OPHN1: variants seen among roughly 807,000 people sequenced by gnomAD.
The protein encoded by OPHN1 is oligophrenin-1.
In OPHN1, 11 loss-of-function variants were observed where a neutral mutation model predicts 60.7. That is an observed-to-expected ratio of 0.18 (90% CI 0.11 to 0.30). OPHN1 has a LOEUF of 0.30. OPHN1 is among the 10% of genes least tolerant of loss of function. The pLI, the probability that OPHN1 is intolerant of heterozygous loss-of-function variation, is 1.00. For missense variants in OPHN1, 449 were observed against 611.0 expected (o/e 0.73, Z 2.80); for synonymous variants, 226 against 222.6 (o/e 1.02, Z -0.14).
At chrX:68,077,696 C>T (rs1400939950) in intron 19 of OPHN1, among the ~76,000 whole-genome samples, 2 of 111,983 alleles carry the variant, frequency 1.8e-5, no homozygotes, top group Non-Finnish European at 1.9e-5. Context: ...CAATCATAAC[C>T]TCTAGGAAAG....
In OPHN1 at chrX:68,248,617, G is replaced by C. The variant is rs764678432; in HGVS notation, c.385-14029C>G. Among the ~76,000 whole-genome samples the C allele has an allele frequency of 5.1e-4, 57 of 112,234 alleles. 1 individual carries two copies. Among genetic ancestry groups the C allele is most frequent in the Non-Finnish European group, 9.0e-4 (48 of 53,253 alleles). On this transcript the variant is annotated intron_variant, in intron 5 of 24. Transcript: ENST00000355520. ...TACATACCCCAAAGAAAGGAAATCA[G>C]TGTATCAAAGAGATATCTGTACTCC...
At chrX:68,162,575 G>A (rs1003672607) in intron 15 of OPHN1, among the ~76,000 whole-genome samples, 1 of 110,019 alleles carries the variant, frequency 9.1e-6, no homozygotes, top group South Asian at 3.9e-4. Flanking sequence ...CAGAGTAGGA[G>A]GGAAGAATTG....
chrX:68,179,957 C>T (rs183133515), intron 15 of OPHN1, among the ~76,000 whole-genome samples: 2 of 111,377 alleles, frequency 1.8e-5, no homozygotes, highest in African/African-American at 6.5e-5. Flanking sequence ...GCCCTCATGA[C>T]TTAATCACCT....
rs1022837538 is a variant in OPHN1 at position 68,419,215 on chromosome X, T to G, written c.154+13652A>C. Among the ~76,000 whole-genome samples, 3 of 109,537 alleles carry G rather than the reference T, an allele frequency of 2.7e-5. No individual in the cohort carries two copies. In the South Asian group the frequency reaches 1.2e-3, roughly 43 times the overall value. On this transcript the variant is annotated intron_variant, in intron 2 of 24. Transcript: ENST00000355520. ...TTTAGTAGAGACAGGGGTTTCACCA[T>G]GTTGGCCAGGCTGGTCTTGAACTCC...
intron 2 of OPHN1, among the ~76,000 whole-genome samples, chrX:68,324,957 C>T (rs7892666): frequency 4.6e-5 from 5 of 108,587 alleles, no homozygotes; most frequent in South Asian, 4.0e-4. Flanking sequence ...AGGCTGAGGT[C>T]GGAGGATCAC....
chrX:68,201,199 G>A (rs1466884046), intron 11 of OPHN1, among the ~76,000 whole-genome samples: 2 of 111,523 alleles, frequency 1.8e-5, no homozygotes, highest in South Asian at 3.8e-4. Context: ...ATAACACCAC[G>A]ACCCTCCACC....
intron 5 of OPHN1, among the ~76,000 whole-genome samples, chrX:68,264,054 T>C (rs1358083900): frequency 9.0e-6 from 1 of 111,369 alleles, no homozygotes; most frequent in African/African-American, 3.3e-5. Flanking sequence ...GCTACCCATA[T>C]GTAGGCAGCT....
intron 8 of OPHN1, among the ~76,000 whole-genome samples, 170 bp downstream of exon 8, chrX:68,211,938 A>G (rs2077586364): frequency 2.7e-5 from 3 of 112,220 alleles, no homozygotes. Flanking sequence ...AAGATGTGAA[A>G]GTGGAAGAGC....
At chrX:68,346,842 A>C (rs1167451746) in intron 2 of OPHN1, among the ~76,000 whole-genome samples, 1 of 111,790 alleles carries the variant, frequency 8.9e-6, no homozygotes, top group African/African-American at 3.2e-5. Flanking sequence ...TTATACTCCA[A>C]ATTCTGTTCA....
At chrX:68,396,631 A>G (rs2147761528) in intron 2 of OPHN1, among the ~76,000 whole-genome samples, 1 of 108,942 alleles carries the variant, frequency 9.2e-6, no homozygotes, top group African/African-American at 3.3e-5. Flanking sequence ...CCTGGCCAAC[A>G]TGGTGAAACC....
chrX:68,205,969 AGTGTGTGTGAGT>A (rs904628234), intron 10 of OPHN1, among the ~76,000 whole-genome samples: 16 of 48,094 alleles, frequency 3.3e-4, no homozygotes, highest in Non-Finnish European at 6.5e-4. Context: ...TGTGTGTGTG[AGTGTGTGTGAGT>A]GTGTGTGTGT....
intron 15 of OPHN1, among the ~76,000 whole-genome samples, chrX:68,132,303 T>C (rs1420516550): frequency 9.6e-6 from 1 of 103,895 alleles, no homozygotes; most frequent in Non-Finnish European, 2.0e-5. Flanking sequence ...CCAACCCAAA[T>C]GTCCAACAAT....
chrX:68,337,552 A>G (rs996377333), intron 2 of OPHN1, among the ~76,000 whole-genome samples: 1 of 111,245 alleles, frequency 9.0e-6, no homozygotes, highest in African/African-American at 3.3e-5. Flanking sequence ...GACAAGGTCT[A>G]CGTTGCCCAG....
chrX:68,214,115 C>A lies in OPHN1; in HGVS notation c.487-143G>T, dbSNP rs2035325874. ...TACCTTTTATTTTAGAAATAGAGAA[C>A]CTAAAGCCAAGAGATAAAAAAGTGA... On this transcript the variant is annotated intron_variant, in intron 6 of 24. Transcript: ENST00000355520. 3 of 475,607 alleles carry A rather than the reference C, an allele frequency of 6.3e-6. No individual in the cohort carries two copies. In the Admixed American group the frequency reaches 9.4e-5, roughly 15 times the overall value. The allele number at this position is 475,607 out of a possible 1,213,427, so 39.2% of individuals were successfully genotyped here. A position where few individuals can be genotyped will look rare whatever the true frequency, so the allele number is the denominator to read the frequency against.
At chrX:68,377,813 C>G (rs972399730) in intron 2 of OPHN1, among the ~76,000 whole-genome samples, 1 of 111,806 alleles carries the variant, frequency 8.9e-6, no homozygotes, top group East Asian at 2.8e-4. Context: ...GCCACATTTC[C>G]TTAATCCAGT....
chrX:68,247,042 G>A (rs763413314), intron 5 of OPHN1, among the ~76,000 whole-genome samples: 3 of 111,317 alleles, frequency 2.7e-5, no homozygotes, highest in Non-Finnish European at 5.7e-5. Flanking sequence ...AGATGGCAAC[G>A]CGTACTTTGA....
chrX:68,389,255 C>A lies in OPHN1; in HGVS notation c.154+43612G>T, dbSNP rs1038656254. 4.6e-5 allele frequency among the ~76,000 whole-genome samples: 5 copies of A among 108,749 alleles called. No homozygotes were observed. The East Asian group carries it at 1.2e-3, about 26-fold the overall frequency. 94.4% of individuals were successfully genotyped at this position (108,749 alleles called of 115,157 possible). The stretch of plus-strand genomic sequence containing the variant: ...TACAGGCATGAGCCACCACACCTGG[C>A]CAGAACATGTTTTAATGATAGTTAA... On this transcript the variant is annotated intron_variant, in intron 2 of 24. Coordinates refer to ENST00000355520, the MANE Select transcript of OPHN1 (RefSeq NM_002547.3).
intron 2 of OPHN1, among the ~76,000 whole-genome samples, chrX:68,422,779 A>AAGAG (rs1160830744): frequency 1.2e-5 from 1 of 81,325 alleles, no homozygotes; most frequent in African/African-American, 4.4e-5. Context: ...GGAAGAAAGA[A>AAGAG]AGAGAGAGAG....
intron 12 of OPHN1, among the ~76,000 whole-genome samples, chrX:68,195,008 AAGGAAGG>A (rs2077505823): frequency 2.2e-5 from 1 of 46,084 alleles, no homozygotes; most frequent in African/African-American, 1.2e-4. Context: ...GAAAGAAAGG[AAGGAAGG>A]AAGGAAGGAA....
Sources: allele counts gnomAD v4.1 joint callset (sites outside exome capture counted in the v4.1 genomes callset), GRCh38; gene constraint gnomAD v4.1.1; transcripts MANE v1.5; gene names NCBI Gene and HGNC (gene_info 2026-07-23, HGNC 2026-07-21).